The following EEIG2 variants were observed in gnomAD, a reference collection of about 807,000 sequenced individuals.
EEIG2 encodes EEIG family member 2.
chr1:108,635,297 C>G, the EEIG2 span: 1 of 959,008 alleles, frequency 1.0e-6, no homozygotes, highest in Non-Finnish European at 1.6e-6. Flanking sequence ...AAGGACCCAC[C>G]GCCATCCTGT....
chr1:108,588,728 C>CTT, the EEIG2 span, among the ~76,000 whole-genome samples: 45 of 121,402 alleles, frequency 3.7e-4, no homozygotes, highest in African/African-American at 7.6e-4. Context: ...GGTTATTTGA[C>CTT]TTTTTTTTTT....
At chr1:108,600,657 C>T in the EEIG2 span, 1 of 1,611,060 alleles carries the variant, frequency 6.2e-7, no homozygotes, top group Admixed American at 1.7e-5. Context: ...CATCCTAGAT[C>T]CTTGTATCTA....
the EEIG2 span, among the ~76,000 whole-genome samples, chr1:108,609,953 C>G: frequency 1.3e-5 from 2 of 152,164 alleles, no homozygotes; most frequent in Non-Finnish European, 2.9e-5. Context: ...CTGTTGCATG[C>G]TGGGCTTAAT....
the EEIG2 span, chr1:108,560,497 C>G: frequency 5.0e-6 from 8 of 1,613,358 alleles, no homozygotes; most frequent in Non-Finnish European, 5.1e-6. Flanking sequence ...CAGTGCCCTT[C>G]GTCAATGGGG....
chr1:108,611,246 T>G, the EEIG2 span, among the ~76,000 whole-genome samples: 1 of 152,248 alleles, frequency 6.6e-6, no homozygotes. Context: ...TACTTTTTAT[T>G]GTATATTTAT....
the EEIG2 span, among the ~76,000 whole-genome samples, chr1:108,583,557 TA>T: frequency 6.6e-6 from 1 of 152,052 alleles, no homozygotes; most frequent in Non-Finnish European, 1.5e-5. Flanking sequence ...GGATGGAGTG[TA>T]AATTAAGTAA....
At chr1:108,600,749 C>T in the EEIG2 span, 8 of 1,527,678 alleles carry the variant, frequency 5.2e-6, no homozygotes, top group Admixed American at 1.8e-5. Context: ...TAGTCACTGG[C>T]TGGCTTTGTT....
chr1:108,584,168 T>C, the EEIG2 span, among the ~76,000 whole-genome samples: 1 of 152,048 alleles, frequency 6.6e-6, no homozygotes, highest in Non-Finnish European at 1.5e-5. Flanking sequence ...AAAAATGCAA[T>C]TGGGTAAAAG....
the EEIG2 span, among the ~76,000 whole-genome samples, chr1:108,571,775 C>T: frequency 2.0e-5 from 3 of 152,090 alleles, no homozygotes; most frequent in South Asian, 6.2e-4. Context: ...TCCATCCCTC[C>T]TTTTATTGTC....
At chr1:108,616,351 A>G in the EEIG2 span, 7 of 1,443,524 alleles carry the variant, frequency 4.8e-6, no homozygotes, top group South Asian at 7.2e-5. Flanking sequence ...ATAATTTTTT[A>G]TAATCGTGAT....
At chr1:108,579,772 T>TGTGTGAGAGAGAGAGAGAGA in the EEIG2 span, among the ~76,000 whole-genome samples, 28 of 58,866 alleles carry the variant, frequency 4.8e-4, no homozygotes, top group South Asian at 1.8e-3. Flanking sequence ...TGTGTGTGTG[T>TGTGTGAGAGAGAGAGAGAGA]GAGAGAGAGA....
At chr1:108,584,631 G>A in the EEIG2 span, among the ~76,000 whole-genome samples, 1 of 152,086 alleles carries the variant, frequency 6.6e-6, no homozygotes, top group Non-Finnish European at 1.5e-5. Flanking sequence ...ACCTTTCAAT[G>A]GCAGTTTCTG....
the EEIG2 span, among the ~76,000 whole-genome samples, chr1:108,581,562 T>C: frequency 1.3e-5 from 2 of 152,082 alleles, no homozygotes; most frequent in African/African-American, 4.8e-5. Flanking sequence ...TTGGAAGAAG[T>C]TGATTTCGGT....
chr1:108,574,181 T>TA, the EEIG2 span, among the ~76,000 whole-genome samples: 2 of 151,830 alleles, frequency 1.3e-5, no homozygotes, highest in African/African-American at 4.8e-5. Context: ...TATTCAGCCT[T>TA]AAAAAATGAA....
At chr1:108,560,747 C>T in the EEIG2 span, among the ~76,000 whole-genome samples, 1 of 152,092 alleles carries the variant, frequency 6.6e-6, no homozygotes, top group Admixed American at 6.5e-5. Flanking sequence ...GGTTCCTGCG[C>T]TCCTGACTCC....
the EEIG2 span, among the ~76,000 whole-genome samples, chr1:108,568,698 C>T: frequency 2.6e-5 from 4 of 152,150 alleles, no homozygotes; most frequent in East Asian, 3.8e-4. Context: ...GGTAGCTGTG[C>T]TCTGTCCAGT....
At chr1:108,570,489 G>A in the EEIG2 span, among the ~76,000 whole-genome samples, 1 of 152,244 alleles carries the variant, frequency 6.6e-6, no homozygotes, top group East Asian at 1.9e-4. Flanking sequence ...TTTCTCAGTA[G>A]CAACCAAGAA....
At chr1:108,582,322 C>T in the EEIG2 span, among the ~76,000 whole-genome samples, 9 of 152,184 alleles carry the variant, frequency 5.9e-5, no homozygotes, top group East Asian at 1.9e-4. Flanking sequence ...TGCCTGTATT[C>T]CAGGCCATTG....
At chr1:108,611,291 T>C in the EEIG2 span, among the ~76,000 whole-genome samples, 36 of 152,358 alleles carry the variant, frequency 2.4e-4, no homozygotes, top group Non-Finnish European at 4.4e-4. Context: ...CTCAATTCAT[T>C]TTTTGTTAAT....
Sources: gnomAD v4.1 joint callset for allele counts (sites outside exome capture counted in the v4.1 genomes callset) on GRCh38, gnomAD v4.1.1 for gene constraint, MANE v1.5 for transcripts, NCBI Gene and HGNC (gene_info 2026-07-23, HGNC 2026-07-21) for gene names.